TENM3: variants seen among roughly 807,000 people sequenced by gnomAD.
TENM3 encodes teneurin transmembrane protein 3, also known as teneurin-3.
A neutral mutation model predicts 255.1 loss-of-function variants in TENM3; 63 were observed. The observed-to-expected ratio is 0.25, with a 90% CI of 0.20 to 0.30. The LOEUF (loss-of-function observed/expected upper bound fraction) is 0.30, where lower values mean the gene tolerates loss of function less well. Among genes scored for constraint, TENM3 ranks in the 10% least tolerant of loss-of-function variants. The pLI, the probability that TENM3 is intolerant of heterozygous loss-of-function variation, is 1.00. For synonymous variants in TENM3, 1,306 were observed against 1,322.3 expected (o/e 0.99, Z 0.27); for missense variants, 2,929 against 3,461.1 (o/e 0.85, Z 3.86).
the TENM3 span, among the ~76,000 whole-genome samples, chr4:181,936,585 G>A: frequency 6.6e-6 from 1 of 152,040 alleles, no homozygotes; most frequent in African/African-American, 2.4e-5. Flanking sequence ...CAGCCATCTG[G>A]GGGTGAACAA....
chr4:181,611,371 T>C, the TENM3 span, among the ~76,000 whole-genome samples: 14 of 152,230 alleles, frequency 9.2e-5, no homozygotes, highest in African/African-American at 3.4e-4. Context: ...ATTTTAATCA[T>C]GGTGACTTTA....
the TENM3 span, among the ~76,000 whole-genome samples, chr4:181,985,970 G>T: frequency 1.3e-5 from 2 of 151,718 alleles, no homozygotes; most frequent in African/African-American, 4.8e-5. Context: ...AACTGTTCTG[G>T]CACTGTCCAA....
At chr4:182,275,715 T>C (rs1234260319) in intron 1 of TENM3, among the ~76,000 whole-genome samples, 1 of 151,994 alleles carries the variant, frequency 6.6e-6, no homozygotes, top group Non-Finnish European at 1.5e-5. Context: ...GGCAGGAGGA[T>C]TGCTTGAGGC....
intron 3 of TENM3, among the ~76,000 whole-genome samples, chr4:182,475,823 G>T (rs149336732): frequency 6.6e-6 from 1 of 151,674 alleles, no homozygotes; most frequent in Non-Finnish European, 1.5e-5. Context: ...GTCCATCTTC[G>T]TCTTTATTGG....
At chr4:182,621,677 TAA>T (rs1638767817) in intron 4 of TENM3, among the ~76,000 whole-genome samples, 9 of 27,574 alleles carry the variant, frequency 3.3e-4, no homozygotes, top group Non-Finnish European at 6.2e-4. Flanking sequence ...ATTATATATA[TAA>T]AATATATAAT....
chr4:181,921,040 T>C, the TENM3 span, among the ~76,000 whole-genome samples: 677 of 152,294 alleles, frequency 4.4e-3, 3 homozygotes, highest in African/African-American at 0.015. Flanking sequence ...GATCAGATAG[T>C]TGTAGATATT....
At chr4:182,694,612 A>T (rs959186004) in intron 12 of TENM3, among the ~76,000 whole-genome samples, 14 of 152,316 alleles carry the variant, frequency 9.2e-5, no homozygotes, top group African/African-American at 3.4e-4. Context: ...ATTTGTTTTT[A>T]TTCTAATTCT....
In TENM3 at chr4:182,324,094, A is replaced by G; in HGVS notation, c.74A>G (p.Asn25Ser). Residue 25 changes from asparagine to serine, a missense_variant, in exon 2 of 28, where the codon AAT (asparagine) becomes AGT (serine). Asn to Ser is a conservative substitution (Grantham distance 46). Around this residue, in one of 6 missense-constraint regions of TENM3, gnomAD observed 283 missense variants for 256.9 expected, o/e 1.10. Transcript: ENST00000511685. ...SRREKERRYT[N>S]SSADNEECRV... is the part of the protein sequence containing the mutation. Reference sequence around the variant, plus strand: ...CGAGAGAAGGAACGGCGCTACACAAATTCCTCCGCAGACAATGAGGAGTGC... The same window carrying G: ...CGAGAGAAGGAACGGCGCTACACAAGTTCCTCCGCAGACAATGAGGAGTGC... 6.2e-7 allele frequency: 1 copy of G among 1,614,002 alleles called. No individual in the cohort carries two copies. Among genetic ancestry groups the G allele is most frequent in the South Asian group, 1.1e-5 (1 of 91,070 alleles).
the TENM3 span, among the ~76,000 whole-genome samples, chr4:182,014,127 TAC>T: frequency 1.6e-4 from 23 of 146,516 alleles, no homozygotes; most frequent in African/African-American, 5.0e-4. Context: ...TACGTATATA[TAC>T]ATATACACAC....
the TENM3 span, among the ~76,000 whole-genome samples, chr4:181,538,791 A>G: frequency 6.6e-6 from 1 of 152,268 alleles, no homozygotes; most frequent in Non-Finnish European, 1.5e-5. Context: ...AATTCAGAGT[A>G]CCTTTTCTTA....
chr4:182,396,967 A>C (rs1768868536), intron 3 of TENM3, among the ~76,000 whole-genome samples: 1 of 151,882 alleles, frequency 6.6e-6, no homozygotes, highest in Non-Finnish European at 1.5e-5. Context: ...GTCTCAAAAT[A>C]AAAAAATAAA....
At chr4:182,782,912 A>G (rs988095195) in intron 24 of TENM3, among the ~76,000 whole-genome samples, 1 of 151,102 alleles carries the variant, frequency 6.6e-6, no homozygotes, top group Non-Finnish European at 1.5e-5. Flanking sequence ...GGCTTGGTAG[A>G]TCTTCCTCCA....
chr4:181,998,341 C>T, the TENM3 span, among the ~76,000 whole-genome samples: 6 of 152,138 alleles, frequency 3.9e-5, no homozygotes, highest in Admixed American at 3.9e-4. Context: ...GAGGCCAACG[C>T]TGAAACAAGT....
chr4:181,687,685 C>T, the TENM3 span, among the ~76,000 whole-genome samples: 1 of 152,104 alleles, frequency 6.6e-6, no homozygotes, highest in Non-Finnish European at 1.5e-5. Flanking sequence ...TGAATTATTT[C>T]GTATCAGAAA....
chr4:182,356,465 A>G (rs1316853651), intron 3 of TENM3, among the ~76,000 whole-genome samples: 1 of 152,168 alleles, frequency 6.6e-6, no homozygotes, highest in Non-Finnish European at 1.5e-5. Context: ...CCAAAGCTCA[A>G]CTAAGGAAGG....
At chr4:181,524,165 C>T in the TENM3 span, among the ~76,000 whole-genome samples, 1 of 152,126 alleles carries the variant, frequency 6.6e-6, no homozygotes, top group African/African-American at 2.4e-5. Flanking sequence ...CCCGTGATTT[C>T]CGTGGTTTTG....
chr4:181,669,476 C>T, the TENM3 span, among the ~76,000 whole-genome samples: 2 of 152,114 alleles, frequency 1.3e-5, no homozygotes, highest in South Asian at 4.1e-4. Flanking sequence ...CCATGTCATA[C>T]AGCTTATGTG....
chr4:181,831,968 T>TGTGTGTGTG, the TENM3 span, among the ~76,000 whole-genome samples: 2 of 132,640 alleles, frequency 1.5e-5, no homozygotes, highest in Non-Finnish European at 3.2e-5. Flanking sequence ...ATATATTACA[T>TGTGTGTGTG]TGTGTGTGTG....
Position 182,754,649 on chromosome 4 carries a change from C to G in TENM3, c.4282C>G (p.Arg1428Gly). 6.2e-7 allele frequency: 1 copy of G among 1,613,932 alleles called. No homozygotes were observed. ...TGAAACTGATGAGAAGAAAATTAACCGGATAAGGCAGGTCACAACAGATGG... is the reference window on the plus strand; with the variant it reads ...TGAAACTGATGAGAAGAAAATTAACGGGATAAGGCAGGTCACAACAGATGG... ...ITETDEKKIN[R>G]IRQVTTDGEI... Residue 1428 changes from arginine (R) to glycine (G), a missense_variant, in exon 22 of 28, where the codon CGG (arginine) becomes GGG (glycine). Coordinates refer to ENST00000511685, the MANE Select transcript of TENM3 (RefSeq NM_001080477.4). This position sits in a 1 kb window ranked among gnomAD's most constrained non-coding sequence, Gnocchi z 5.1.
Sources: allele counts gnomAD v4.1 joint callset (sites outside exome capture counted in the v4.1 genomes callset), GRCh38; gene constraint gnomAD v4.1.1; regional missense constraint gnomAD v4.1.1; non-coding constraint Gnocchi (gnomAD v3.1); transcripts MANE v1.5; gene names NCBI Gene and HGNC (gene_info 2026-07-23, HGNC 2026-07-21).